RHPN2: variants seen among roughly 807,000 people sequenced by gnomAD.
RHPN2 encodes rhophilin Rho GTPase binding protein 2, also known as rhophilin-2.
RHPN2 carries 40 observed loss-of-function variants against 79.0 expected under a neutral mutation model. The ratio of observed to expected loss-of-function variants is 0.51; its 90% CI spans 0.39 to 0.66. RHPN2 has a LOEUF of 0.66. Among genes scored for constraint, RHPN2 ranks in the 30% least tolerant of loss-of-function variants. RHPN2 has a pLI of 0.00. For synonymous variants in RHPN2, 285 were observed against 363.5 expected, an observed-to-expected ratio of 0.78 and a Z score of 2.46; for missense variants, 686 against 883.5, an observed-to-expected ratio of 0.78 and a Z score of 2.83.
intron 10 of RHPN2, 121 bp downstream of exon 10, chr19:32,999,465 A>G: frequency 7.8e-7 from 1 of 1,286,486 alleles, no homozygotes; most frequent in East Asian, 2.9e-5. Flanking sequence ...CAAAGTGGCC[A>G]CGATGACTCG....
chr19:33,008,287 T>A, intron 6 of RHPN2, 107 bp from the exon 7 acceptor site: 1 of 1,154,960 alleles, frequency 8.7e-7, no homozygotes, highest in South Asian at 1.4e-5. Flanking sequence ...TATCTCACTC[T>A]GTTGCCCAGG....
At chr19:33,060,029 C>A (rs908190614) in intron 1 of RHPN2, among the ~76,000 whole-genome samples, 2 of 152,202 alleles carry the variant, frequency 1.3e-5, no homozygotes, top group African/African-American at 4.8e-5. Flanking sequence ...GGAGTGGGCT[C>A]TCTGCTGGGA....
intron 12 of RHPN2, 185 bp from the exon 13 acceptor site, chr19:32,992,154 T>G: frequency 3.2e-6 from 2 of 625,606 alleles, no homozygotes; most frequent in Non-Finnish European, 5.8e-6. Flanking sequence ...TTCTCAAACA[T>G]ACCCAATATA....
chr19:32,987,030 C>G (rs1971617875), intron 14 of RHPN2, among the ~76,000 whole-genome samples: 1 of 151,582 alleles, frequency 6.6e-6, no homozygotes, highest in African/African-American at 2.4e-5. Context: ...GCATACGCCA[C>G]CATGCCTCGC....
intron 1 of RHPN2, among the ~76,000 whole-genome samples, chr19:33,057,902 G>A (rs969606031): frequency 2.0e-5 from 3 of 152,060 alleles, no homozygotes; most frequent in African/African-American, 7.2e-5. Context: ...GCTCACACCT[G>A]TAATCCCAGC....
At chr19:33,054,160 G>A (rs907409151) in intron 1 of RHPN2, among the ~76,000 whole-genome samples, 18 of 148,996 alleles carry the variant, frequency 1.2e-4, no homozygotes, top group African/African-American at 4.5e-4. Flanking sequence ...ACTACATCCA[G>A]CCTTGTTTTT....
chr19:33,010,774 CG>C (rs1251216908), intron 6 of RHPN2, among the ~76,000 whole-genome samples: 1 of 151,226 alleles, frequency 6.6e-6, no homozygotes, highest in Non-Finnish European at 1.5e-5. Context: ...CTCCGCCTCC[CG>C]GGCTCAAGTG....
At chr19:33,045,191 A>G (rs931288079) in intron 1 of RHPN2, among the ~76,000 whole-genome samples, 2 of 151,088 alleles carry the variant, frequency 1.3e-5, no homozygotes, top group African/African-American at 4.9e-5. Flanking sequence ...AGCTGGGACT[A>G]CAGGTGCATG....
At chr19:33,057,235 C>A (rs918810463) in intron 1 of RHPN2, among the ~76,000 whole-genome samples, 1 of 151,952 alleles carries the variant, frequency 6.6e-6, no homozygotes, top group South Asian at 2.1e-4. Flanking sequence ...CCCAGCTACT[C>A]AGGAGGCTGA....
intron 6 of RHPN2, 126 bp from the exon 7 acceptor site, chr19:33,008,306 C>A: frequency 1.1e-6 from 1 of 936,806 alleles, no homozygotes; most frequent in Non-Finnish European, 1.6e-6. Flanking sequence ...GGCTGGAGTG[C>A]AGTGGTGTGA....
At chr19:33,046,110 CAAT>C (rs1005824408) in intron 1 of RHPN2, among the ~76,000 whole-genome samples, 4 of 152,182 alleles carry the variant, frequency 2.6e-5, no homozygotes, top group African/African-American at 9.7e-5. Context: ...ATTCATCATA[CAAT>C]GGGCATGGGG....
chr19:33,003,357 C>CAAAA (rs56166279), intron 7 of RHPN2, among the ~76,000 whole-genome samples: 2 of 66,612 alleles, frequency 3.0e-5, no homozygotes, highest in African/African-American at 6.5e-5. Context: ...GACTCTGTCT[C>CAAAA]AAAAAAAAAA....
chr19:32,980,633 G>A (rs10426357), intron 14 of RHPN2, among the ~76,000 whole-genome samples: 7 of 151,996 alleles, frequency 4.6e-5, no homozygotes, highest in Non-Finnish European at 1.0e-4. Context: ...GACATAATTC[G>A]GAAACTCAGG....
At chr19:33,038,404 T>TCATA (rs1972075320) in intron 2 of RHPN2, among the ~76,000 whole-genome samples, 1 of 151,994 alleles carries the variant, frequency 6.6e-6, no homozygotes, top group South Asian at 2.1e-4. Context: ...TGAGCTGTGA[T>TCATA]CATACCACTG....
intron 2 of RHPN2, among the ~76,000 whole-genome samples, chr19:33,031,380 C>A (rs1972010475): frequency 6.6e-6 from 1 of 151,720 alleles, no homozygotes; most frequent in Non-Finnish European, 1.5e-5. Flanking sequence ...CCACCTCAGA[C>A]TCCCAAGTAG....
At chr19:33,031,384 C>A (rs1352970574) in intron 2 of RHPN2, among the ~76,000 whole-genome samples, 1 of 151,776 alleles carries the variant, frequency 6.6e-6, no homozygotes, top group East Asian at 1.9e-4. Flanking sequence ...CTCAGACTCC[C>A]AAGTAGCTGG....
chr19:33,001,543 T>G (rs773739967), intron 9 of RHPN2, among the ~76,000 whole-genome samples: 1 of 152,000 alleles, frequency 6.6e-6, no homozygotes, highest in Non-Finnish European at 1.5e-5. Flanking sequence ...ATAAAATAAA[T>G]AAAATAATAA....
intron 7 of RHPN2, among the ~76,000 whole-genome samples, chr19:33,005,370 G>GCCACTGCA (rs1454629788): frequency 8.0e-6 from 1 of 125,106 alleles, no homozygotes; most frequent in Non-Finnish European, 1.6e-5. Flanking sequence ...CCGAGATCTC[G>GCCACTGCA]CCACTGCACT....
chr19:33,016,541 T>C (rs1971879214), intron 4 of RHPN2, among the ~76,000 whole-genome samples: 1 of 151,770 alleles, frequency 6.6e-6, no homozygotes, highest in Admixed American at 6.6e-5. Flanking sequence ...ATTAGCTGGG[T>C]GTGGTGGTGG....
Sources: gnomAD v4.1 joint callset for allele counts (sites outside exome capture counted in the v4.1 genomes callset) on GRCh38, gnomAD v4.1.1 for gene constraint, MANE v1.5 for transcripts, NCBI Gene and HGNC (gene_info 2026-07-23, HGNC 2026-07-21) for gene names.